Variants in TEAD1 observed in about 807,000 individuals in gnomAD.
TEAD1 encodes TEA domain transcription factor 1, also known as transcriptional enhancer factor TEF-1.
TEAD1 carries 9 observed loss-of-function variants against 54.9 expected under a neutral mutation model. That is an observed-to-expected ratio of 0.16 (90% CI 0.10 to 0.29). The LOEUF (loss-of-function observed/expected upper bound fraction) is 0.29, where lower values mean the gene tolerates loss of function less well. Ranked by LOEUF, TEAD1 falls within the 10% of genes least tolerant of loss-of-function variation. The probability of loss-of-function intolerance (pLI) is 1.00; values close to 1 mark genes in which losing one functional copy is unlikely to be tolerated. For synonymous variants in TEAD1, 200 were observed against 187.8 expected, an observed-to-expected ratio of 1.07 and a Z score of -0.53; for missense variants, 387 against 535.9, an observed-to-expected ratio of 0.72 and a Z score of 2.74.
At chr11:12,910,778 G>A (rs1463063070) in intron 10 of TEAD1, among the ~76,000 whole-genome samples, 9 of 131,718 alleles carry the variant, frequency 6.8e-5, no homozygotes, top group Non-Finnish European at 1.2e-4. Flanking sequence ...ATGGAGTCTC[G>A]CTCTGTCTCA....
At chr11:12,752,778 A>G (rs1944900959) in intron 2 of TEAD1, among the ~76,000 whole-genome samples, 1 of 152,162 alleles carries the variant, frequency 6.6e-6, no homozygotes, top group African/African-American at 2.4e-5. Context: ...TTAAATTCAC[A>G]AATGTGTCTA....
intron 3 of TEAD1, among the ~76,000 whole-genome samples, chr11:12,844,850 AGG>A (rs991159927): frequency 1.3e-5 from 2 of 151,218 alleles, no homozygotes; most frequent in Non-Finnish European, 3.0e-5. Context: ...GAGTGAGCAA[AGG>A]GGGTAAGGAC....
At chr11:12,721,818 A>G (rs1328973120) in intron 2 of TEAD1, among the ~76,000 whole-genome samples, 1 of 152,128 alleles carries the variant, frequency 6.6e-6, no homozygotes, top group African/African-American at 2.4e-5. Context: ...CCCACTCCTC[A>G]AGCCCCCCGC....
chr11:12,874,896 T>G (rs1009416607), intron 5 of TEAD1, among the ~76,000 whole-genome samples: 8 of 152,220 alleles, frequency 5.3e-5, no homozygotes, highest in African/African-American at 1.2e-4. Context: ...CCTCATTCTT[T>G]GTAATCTTAG....
intron 2 of TEAD1, among the ~76,000 whole-genome samples, chr11:12,700,072 C>T (rs147229852): frequency 1.3e-5 from 2 of 152,238 alleles, no homozygotes; most frequent in East Asian, 3.9e-4. Context: ...ACAGCATCTC[C>T]CTTTTAGGTC....
chr11:12,934,968 G>A (rs983509607), intron 12 of TEAD1, among the ~76,000 whole-genome samples: 3 of 152,028 alleles, frequency 2.0e-5, no homozygotes, highest in Admixed American at 6.6e-5. Flanking sequence ...ATGTTGCCTC[G>A]ATGGATAAGG....
intron 2 of TEAD1, among the ~76,000 whole-genome samples, chr11:12,711,465 G>C (rs1943938386): frequency 6.6e-6 from 1 of 152,192 alleles, no homozygotes; most frequent in African/African-American, 2.4e-5. Context: ...CCTGTTGTTT[G>C]AGATCTTGCA....
chr11:12,778,722 C>G (rs530805757), intron 3 of TEAD1, among the ~76,000 whole-genome samples: 1 of 152,166 alleles, frequency 6.6e-6, no homozygotes, highest in South Asian at 2.1e-4. Context: ...TTGTGCCTCT[C>G]AAGAGTTTTC....
Position 12,719,151 on chromosome 11 carries a change from A to G in TEAD1, c.-55+43590A>G, listed in dbSNP as rs574218355. Among the ~76,000 whole-genome samples, 7 of 152,026 alleles carry G rather than the reference A, an allele frequency of 4.6e-5. No individual in the cohort carries two copies. The South Asian group carries it at 1.5e-3, about 32-fold the overall frequency. On this transcript the variant is annotated intron_variant, in intron 2 of 12. Coordinates refer to ENST00000527636, the MANE Select transcript of TEAD1 (RefSeq NM_021961.6). ...CAAGTCCTGGCTTGGGTCATTCCCA[A>G]GCCCCCTCCTCCGCAGCCTGTGTTT... is the stretch of plus-strand genomic sequence containing the variant.
At chr11:12,929,415 T>G (rs903275627) in intron 11 of TEAD1, among the ~76,000 whole-genome samples, 3 of 125,062 alleles carry the variant, frequency 2.4e-5, no homozygotes, top group African/African-American at 9.1e-5. Context: ...TGGCTTCCTT[T>G]GATTTCTTTG....
In TEAD1 at chr11:12,938,799, G is replaced by A. The variant is rs1310963901; in HGVS notation, c.*1577G>A. 1 of 152,254 alleles carries A rather than the reference G, an allele frequency of 6.6e-6. No homozygotes were observed. The highest frequency in any genetic ancestry group is 1.5e-5 in the Non-Finnish European group (1 of 68,064). 9.4% of individuals were successfully genotyped at this position (152,254 alleles called of 1,614,324 possible). A position where few individuals can be genotyped will look rare whatever the true frequency, so the allele number is the denominator to read the frequency against. ...AGTGTTTCACTGGGGAGAGAACAGG[G>A]AGTGCTCCTCCAGCTTCCCAAAGAA... On this transcript the variant is annotated 3_prime_UTR_variant, in exon 13 of 13. Transcript: ENST00000527636.
chr11:12,696,951 A>T (rs1943599218), intron 2 of TEAD1, among the ~76,000 whole-genome samples: 1 of 152,132 alleles, frequency 6.6e-6, no homozygotes, highest in Non-Finnish European at 1.5e-5. Context: ...ACCCTGTCTC[A>T]GACTGGAACA....
At chr11:12,733,611 C>T (rs1241381938) in intron 2 of TEAD1, among the ~76,000 whole-genome samples, 2 of 152,192 alleles carry the variant, frequency 1.3e-5, no homozygotes, top group Non-Finnish European at 2.9e-5. Flanking sequence ...ATGTCTCCTG[C>T]CTCCTGCCTG....
chr11:12,893,013 G>T (rs1948230188), intron 9 of TEAD1, among the ~76,000 whole-genome samples: 1 of 152,180 alleles, frequency 6.6e-6, no homozygotes, highest in African/African-American at 2.4e-5. Flanking sequence ...GTTCATCACT[G>T]CTCAGATGAG....
At chr11:12,806,424 A>T (rs1554935945) in intron 3 of TEAD1, among the ~76,000 whole-genome samples, 1 of 151,840 alleles carries the variant, frequency 6.6e-6, no homozygotes, top group Non-Finnish European at 1.5e-5. Flanking sequence ...GAAAAGGGTT[A>T]TTGGCTTGAG....
At chr11:12,894,769 G>A (rs1399893616) in intron 9 of TEAD1, among the ~76,000 whole-genome samples, 2 of 152,124 alleles carry the variant, frequency 1.3e-5, no homozygotes, top group Admixed American at 6.5e-5. Context: ...CAGAGGGACC[G>A]TATTGATTTC....
intron 11 of TEAD1, 70 bp from the exon 12 acceptor site, chr11:12,930,104 G>A (rs948750956): frequency 1.9e-6 from 3 of 1,578,704 alleles, no homozygotes; most frequent in African/African-American, 2.7e-5. Context: ...GCTTTTATGG[G>A]CAGTAATATC....
chr11:12,702,196 A>T (rs1943718273), intron 2 of TEAD1, among the ~76,000 whole-genome samples: 1 of 152,160 alleles, frequency 6.6e-6, no homozygotes, highest in Admixed American at 6.5e-5. Context: ...TCCTCTCTGC[A>T]TTCAACCCTT....
At chr11:12,838,019 A>G (rs1348804166) in intron 3 of TEAD1, among the ~76,000 whole-genome samples, 1 of 150,450 alleles carries the variant, frequency 6.6e-6, no homozygotes, top group African/African-American at 2.4e-5. Flanking sequence ...CTGGTCTCGA[A>G]CTCCTGACCT....
Sources: gnomAD v4.1 joint callset for allele counts (sites outside exome capture counted in the v4.1 genomes callset) on GRCh38, gnomAD v4.1.1 for gene constraint, MANE v1.5 for transcripts, NCBI Gene and HGNC (gene_info 2026-07-23, HGNC 2026-07-21) for gene names.